Variants in NRXN1 observed in about 807,000 individuals in gnomAD.
The protein encoded by NRXN1 is neurexin-1.
NRXN1 carries 39 observed loss-of-function variants against 150.9 expected under a neutral mutation model. The observed-to-expected ratio is 0.26, with a 90% CI of 0.20 to 0.34. The LOEUF (loss-of-function observed/expected upper bound fraction) is 0.34. Among genes scored for constraint, NRXN1 ranks in the 10% least tolerant of loss-of-function variants. NRXN1 has a pLI of 1.00. For synonymous variants in NRXN1, 924 were observed against 757.0 expected (o/e 1.22, Z -3.62); for missense variants, 1,815 against 1,949.9 (o/e 0.93, Z 1.30).
chr2:50,277,304 T>C (rs2070632760), intron 17 of NRXN1, among the ~76,000 whole-genome samples: 1 of 151,790 alleles, frequency 6.6e-6, no homozygotes, highest in African/African-American at 2.4e-5. Flanking sequence ...AGTATAACAC[T>C]CTACTCTGCT....
intron 18 of NRXN1, among the ~76,000 whole-genome samples, chr2:50,125,813 G>A (rs565905604): frequency 4.1e-4 from 63 of 152,176 alleles, no homozygotes; most frequent in African/African-American, 1.4e-3. Flanking sequence ...TCATATGTGG[G>A]TAATATGAGA....
intron 17 of NRXN1, among the ~76,000 whole-genome samples, chr2:50,359,003 G>T (rs2079007960): frequency 6.6e-6 from 1 of 152,122 alleles, no homozygotes. Context: ...AGAAGGAAAA[G>T]TAACAGAAAG....
chr2:50,213,548 C>A (rs1192250129), intron 18 of NRXN1, among the ~76,000 whole-genome samples: 1 of 151,830 alleles, frequency 6.6e-6, no homozygotes, highest in Non-Finnish European at 1.5e-5. Flanking sequence ...TTAGTCCAGG[C>A]AGCCCTCTGA....
intron 18 of NRXN1, among the ~76,000 whole-genome samples, chr2:50,110,334 CA>C (rs200316114): frequency 2.0e-5 from 3 of 149,652 alleles, no homozygotes; most frequent in Admixed American, 6.7e-5. Context: ...ACTAAAAATA[CA>C]AAAAAAAATA....
chr2:50,155,063 A>G (rs183975547), intron 18 of NRXN1, among the ~76,000 whole-genome samples: 520 of 151,702 alleles, frequency 3.4e-3, no homozygotes, highest in Non-Finnish European at 5.9e-3. Flanking sequence ...AATTATATCT[A>G]TTTTTTAAAC....
intron 19 of NRXN1, 133 bp downstream of exon 19, chr2:50,091,190 T>G (rs1290375516): frequency 1.6e-5 from 16 of 1,004,852 alleles, no homozygotes; most frequent in Non-Finnish European, 2.3e-5. Flanking sequence ...TACATTCACA[T>G]GACTCTAAAG....
At chr2:49,944,735 G>A (rs1306722799) in intron 21 of NRXN1, among the ~76,000 whole-genome samples, 1 of 152,102 alleles carries the variant, frequency 6.6e-6, no homozygotes, top group African/African-American at 2.4e-5. Flanking sequence ...AGAATCCAAT[G>A]TATACAAATA....
chr2:50,532,790 G>A (rs1489342026), intron 10 of NRXN1, among the ~76,000 whole-genome samples: 2 of 152,112 alleles, frequency 1.3e-5, no homozygotes, highest in East Asian at 1.9e-4. Context: ...ATGACAACCT[G>A]ACGGCTTTAA....
At chr2:50,862,045 T>TA (rs1385646534) in intron 5 of NRXN1, among the ~76,000 whole-genome samples, 2 of 151,410 alleles carry the variant, frequency 1.3e-5, no homozygotes, top group South Asian at 2.1e-4. Flanking sequence ...CCACTAAAAA[T>TA]AAAAAAATCA....
At chr2:50,517,305 A>G (rs1043702413) in intron 12 of NRXN1, among the ~76,000 whole-genome samples, 1 of 152,134 alleles carries the variant, frequency 6.6e-6, no homozygotes. Context: ...TCTTCTCCTC[A>G]ATGAGTTTAA....
At chr2:50,800,674 T>C (rs565607584) in intron 5 of NRXN1, among the ~76,000 whole-genome samples, 6 of 152,216 alleles carry the variant, frequency 3.9e-5, no homozygotes. Flanking sequence ...CTCAGCCTCC[T>C]GAGTAGTTGG....
intron 8 of NRXN1, among the ~76,000 whole-genome samples, chr2:50,618,290 CCTGT>C (rs1679370008): frequency 6.6e-6 from 1 of 152,086 alleles, no homozygotes; most frequent in Non-Finnish European, 1.5e-5. Flanking sequence ...TCCATCCCTG[CCTGT>C]CTAAATTAGT....
At chr2:50,855,266 A>C (rs1308548253) in intron 5 of NRXN1, among the ~76,000 whole-genome samples, 1 of 152,068 alleles carries the variant, frequency 6.6e-6, no homozygotes, top group African/African-American at 2.4e-5. Context: ...AAAGTATAAA[A>C]AAAACTTTAA....
chr2:51,026,302 G>C (rs1363346881), intron 2 of NRXN1: 1 of 996,128 alleles, frequency 1.0e-6, no homozygotes, highest in Non-Finnish European at 1.6e-6. Flanking sequence ...TGACCCATAA[G>C]CTATCTACTT....
chr2:50,143,913 T>G (rs898352937), intron 18 of NRXN1, among the ~76,000 whole-genome samples: 5 of 151,950 alleles, frequency 3.3e-5, no homozygotes, highest in African/African-American at 1.2e-4. Flanking sequence ...GTTACCCGTA[T>G]AGAATACTAA....
At chr2:50,416,884 G>C (rs1391299433) in intron 17 of NRXN1, among the ~76,000 whole-genome samples, 1 of 152,166 alleles carries the variant, frequency 6.6e-6, no homozygotes, top group Non-Finnish European at 1.5e-5. Context: ...AGATTTCGGT[G>C]GGGACACAGC....
chr2:50,921,194 G>A (rs1363417765), intron 5 of NRXN1, among the ~76,000 whole-genome samples: 3 of 151,684 alleles, frequency 2.0e-5, no homozygotes, highest in Non-Finnish European at 4.4e-5. Flanking sequence ...ACACAATGAG[G>A]ATGGTTTTAA....
chr2:50,895,383 A>G (rs1681765513), intron 5 of NRXN1, among the ~76,000 whole-genome samples: 1 of 152,128 alleles, frequency 6.6e-6, no homozygotes, highest in African/African-American at 2.4e-5. Flanking sequence ...CAAAAAAGGC[A>G]GTAACTAGTC....
chr2:49,983,453 T>A (rs1350987420), intron 21 of NRXN1, among the ~76,000 whole-genome samples: 1 of 152,122 alleles, frequency 6.6e-6, no homozygotes, highest in African/African-American at 2.4e-5. Flanking sequence ...ACATTTATAT[T>A]TTTACGGGTC....
Sources: allele counts gnomAD v4.1 joint callset (sites outside exome capture counted in the v4.1 genomes callset), GRCh38; gene constraint gnomAD v4.1.1; transcripts MANE v1.5; gene names NCBI Gene and HGNC (gene_info 2026-07-23, HGNC 2026-07-21).